SAMD13: variants seen among roughly 807,000 people sequenced by gnomAD.
SAMD13 encodes sterile alpha motif domain-containing protein 13.
A neutral mutation model predicts 12.4 loss-of-function variants in SAMD13; 9 were observed. The observed-to-expected ratio is 0.72, with a 90% CI of 0.44 to 1.26. The LOEUF (loss-of-function observed/expected upper bound fraction) is 1.26. Ranked by LOEUF, SAMD13 falls within the 50% of genes most tolerant of loss-of-function variation. The pLI, the probability that SAMD13 is intolerant of heterozygous loss-of-function variation, is 0.00. For missense variants in SAMD13, 84 were observed against 119.6 expected, an observed-to-expected ratio of 0.70 and a Z score of 1.39; for synonymous variants, 46 against 45.4, an observed-to-expected ratio of 1.01 and a Z score of -0.05.
chr1:84,302,577 C>A, intron 1 of SAMD13: 2 of 687,716 alleles, frequency 2.9e-6, no homozygotes, highest in Non-Finnish European at 3.6e-6. Flanking sequence ...CACACACACA[C>A]CAGCACCACC....
chr1:84,335,281 C>G (rs1285098529), intron 3 of SAMD13, among the ~76,000 whole-genome samples: 3 of 152,148 alleles, frequency 2.0e-5, no homozygotes, highest in African/African-American at 7.2e-5. Flanking sequence ...GAATTGAGCC[C>G]TTTACCATTG....
At chr1:84,338,685 G>C (rs1469384864) in intron 3 of SAMD13, among the ~76,000 whole-genome samples, 1 of 152,036 alleles carries the variant, frequency 6.6e-6, no homozygotes, top group Non-Finnish European at 1.5e-5. Context: ...TGAGCCACCT[G>C]CCTCGGCCTC....
intron 2 of SAMD13, among the ~76,000 whole-genome samples, chr1:84,315,400 G>A (rs756386851): frequency 9.2e-5 from 14 of 152,064 alleles, no homozygotes; most frequent in Non-Finnish European, 1.8e-4. Context: ...CATCCATTTT[G>A]TTGAAAATGT....
chr1:84,325,536 CA>C, intron 2 of SAMD13, 100 bp from the exon 3 acceptor site: 1 of 709,070 alleles, frequency 1.4e-6, no homozygotes, highest in Non-Finnish European at 2.5e-6. Context: ...CATCTGAACC[CA>C]AAAAACATGA....
chr1:84,311,072 A>C (rs1189868520), intron 2 of SAMD13, among the ~76,000 whole-genome samples: 1 of 152,142 alleles, frequency 6.6e-6, no homozygotes, highest in Non-Finnish European at 1.5e-5. Context: ...ACAGTGGCCC[A>C]TGCCTGTAAT....
chr1:84,316,131 A>T (rs1003359061), intron 2 of SAMD13, among the ~76,000 whole-genome samples: 1 of 152,094 alleles, frequency 6.6e-6, no homozygotes, highest in Non-Finnish European at 1.5e-5. Flanking sequence ...CTCTTATCAG[A>T]TATATAGTTT....
rs80072733 is a variant in SAMD13, at chr1:84,339,932, G to A, written c.166-9699G>A. On this transcript the variant is annotated intron_variant, in intron 3 of 3. Coordinates refer to ENST00000394834, the MANE Select transcript of SAMD13 (RefSeq NM_001134663.2). ...ACTCCCTGAGGTTATAGAAAGGGAT[G>A]AGATCAAAAGAATACGGAGGAGCAA... Among the ~76,000 whole-genome samples the A allele has an allele frequency of 6.0e-3, 918 of 152,342 alleles. 10 individuals carry two copies. The highest frequency in any genetic ancestry group is 0.022 in the African/African-American group (897 of 41,588).
At chr1:84,342,282 T>C (rs1324782137) in intron 3 of SAMD13, among the ~76,000 whole-genome samples, 2 of 152,160 alleles carry the variant, frequency 1.3e-5, no homozygotes, top group African/African-American at 4.8e-5. Flanking sequence ...AGTTTAGTTC[T>C]TAAGTCCAAA....
At chr1:84,307,233 C>G (rs913133971) in intron 2 of SAMD13, among the ~76,000 whole-genome samples, 1 of 152,150 alleles carries the variant, frequency 6.6e-6, no homozygotes, top group Admixed American at 6.5e-5. Flanking sequence ...TTTTAAAAGT[C>G]ATTTTCTCTG....
chr1:84,330,802 A>G (rs931854745), intron 3 of SAMD13, among the ~76,000 whole-genome samples: 1 of 152,202 alleles, frequency 6.6e-6, no homozygotes, highest in African/African-American at 2.4e-5. Flanking sequence ...TCAATGTCAT[A>G]TAGTTCATAT....
chr1:84,310,496 A>G (rs563703768), intron 2 of SAMD13, among the ~76,000 whole-genome samples: 108 of 152,332 alleles, frequency 7.1e-4, no homozygotes, highest in African/African-American at 2.1e-3. Flanking sequence ...CTCATTTTGG[A>G]CATAAAATTT....
At chr1:84,338,297 T>C (rs940499738) in intron 3 of SAMD13, among the ~76,000 whole-genome samples, 2 of 151,878 alleles carry the variant, frequency 1.3e-5, no homozygotes, top group Non-Finnish European at 2.9e-5. Flanking sequence ...AGAAAAGAGG[T>C]TTAATTGGAC....
chr1:84,311,082 T>A (rs1678698434), intron 2 of SAMD13, among the ~76,000 whole-genome samples: 1 of 152,040 alleles, frequency 6.6e-6, no homozygotes, highest in Non-Finnish European at 1.5e-5. Context: ...ATGCCTGTAA[T>A]CCCAGCACTT....
chr1:84,333,570 G>A (rs1436069542), intron 3 of SAMD13, among the ~76,000 whole-genome samples: 1 of 152,122 alleles, frequency 6.6e-6, no homozygotes. Flanking sequence ...CATTGATTTT[G>A]TATACTGAAA....
intron 3 of SAMD13, among the ~76,000 whole-genome samples, chr1:84,325,964 G>T (rs1272708131): frequency 6.6e-6 from 1 of 152,190 alleles, no homozygotes; most frequent in Non-Finnish European, 1.5e-5. Context: ...AGTGGCAGCT[G>T]TGGAGAAGAA....
intron 2 of SAMD13, among the ~76,000 whole-genome samples, chr1:84,309,002 C>T (rs755570654): frequency 1.3e-5 from 2 of 152,024 alleles, no homozygotes; most frequent in African/African-American, 4.8e-5. Context: ...TTTCTCTCTG[C>T]GTCAGTTCTC....
chr1:84,310,420 C>A (rs1184167312), intron 2 of SAMD13, among the ~76,000 whole-genome samples: 1 of 151,986 alleles, frequency 6.6e-6, no homozygotes, highest in East Asian at 1.9e-4. Flanking sequence ...GGGCCACAGT[C>A]AAAGCCATCC....
chr1:84,325,657 C>T lies in SAMD13; in HGVS notation c.74C>T (p.Pro25Leu), dbSNP rs377502974. 62 of 1,612,090 alleles carry T rather than the reference C, an allele frequency of 3.8e-5. No individual in the cohort carries two copies. Among genetic ancestry groups the T allele is most frequent in the Non-Finnish European group, 5.0e-5 (59 of 1,178,442 alleles). ...GVKNSMENGR[P>L]PDPADWAVMD... ...TGCAGTTCCATGGAAAATGGGAGAC[C>T]ACCTGATCCTGCAGACTGGGCCGTG... The change falls in exon 3 of 4, where the codon CCA becomes CTA. Residue 25 changes from proline to leucine, a missense_variant. Pro to Leu is a moderately conservative substitution (Grantham distance 98). Transcript: ENST00000394834.
chr1:84,331,995 G>C (rs1679200324), intron 3 of SAMD13, among the ~76,000 whole-genome samples: 1 of 152,056 alleles, frequency 6.6e-6, no homozygotes, highest in Admixed American at 6.6e-5. Flanking sequence ...TTGGTTTTCT[G>C]TTCCTGCATT....
Sources: gnomAD v4.1 joint callset for allele counts (sites outside exome capture counted in the v4.1 genomes callset) on GRCh38, gnomAD v4.1.1 for gene constraint, MANE v1.5 for transcripts, NCBI Gene and HGNC (gene_info 2026-07-23, HGNC 2026-07-21) for gene names.